CCDC85C: variants seen among roughly 807,000 people sequenced by gnomAD.
The protein encoded by CCDC85C is coiled-coil domain-containing protein 85C.
CCDC85C carries 18 observed loss-of-function variants against 38.3 expected under a neutral mutation model. The ratio of observed to expected loss-of-function variants is 0.47; its 90% CI spans 0.33 to 0.70. The LOEUF is 0.70. CCDC85C is among the 30% of genes least tolerant of loss of function. The pLI is 0.03. For missense variants in CCDC85C, 566 were observed against 621.2 expected, an observed-to-expected ratio of 0.91 and a Z score of 0.94; for synonymous variants, 264 against 293.8, an observed-to-expected ratio of 0.90 and a Z score of 1.04.
rs1450465746 is a variant in CCDC85C, at chr14:99,576,394, A to T, written c.793+26773T>A. Reference sequence around the variant, plus strand: ...ATGCAGGACCAAGCTGGCCCAGGAGAAGGACTGAGTCCCTGTGAGCAGCAG... The same window carrying T: ...ATGCAGGACCAAGCTGGCCCAGGAGTAGGACTGAGTCCCTGTGAGCAGCAG... On this transcript the variant is annotated intron_variant, in intron 1 of 5. Coordinates refer to ENST00000380243, the MANE Select transcript of CCDC85C (RefSeq NM_001144995.2). This position sits in a 1 kb window ranked among gnomAD's most constrained non-coding sequence, Gnocchi z 4.8. 1 of 152,408 alleles carries T rather than the reference A, an allele frequency of 6.6e-6. No individual in the cohort carries two copies. Among genetic ancestry groups the T allele is most frequent in the African/African-American group, 2.4e-5 (1 of 41,440 alleles). The allele number at this position is 152,408 out of a possible 1,614,324, so 9.4% of individuals were successfully genotyped here.
At chr14:99,554,208 C>T (rs2139941266) in intron 1 of CCDC85C, among the ~76,000 whole-genome samples, 1 of 152,302 alleles carries the variant, frequency 6.6e-6, no homozygotes, top group African/African-American at 2.4e-5. Flanking sequence ...GTGGCCATCC[C>T]AGCACACGAG....
chr14:99,500,406 T>C lies in CCDC85C; in HGVS notation c.*14840A>G. On this transcript the variant is annotated 3_prime_UTR_variant, in exon 6 of 6. Coordinates refer to ENST00000380243, the MANE Select transcript of CCDC85C (RefSeq NM_001144995.2). ...AATGAAAATTCCTAAAAGATTGCATTTTTAAAATTTGAGGTCTTGAAAGAA... is the reference window on the plus strand; with the variant it reads ...AATGAAAATTCCTAAAAGATTGCATCTTTAAAATTTGAGGTCTTGAAAGAA... 1 of 204,122 alleles carries C rather than the reference T, an allele frequency of 4.9e-6. No individual in the cohort carries two copies. Among genetic ancestry groups the C allele is most frequent in the South Asian group, 8.1e-5 (1 of 12,414 alleles). The allele number at this position is 204,122 out of a possible 1,614,324, so 12.6% of individuals were successfully genotyped here. A position where few individuals can be genotyped will look rare whatever the true frequency, so the allele number is the denominator to read the frequency against.
rs2055235444 is a variant in CCDC85C, at chr14:99,603,630, G to C, written c.330C>G (p.Arg110=). 19 of 1,464,982 alleles carry C rather than the reference G, an allele frequency of 1.3e-5. No individual in the cohort carries two copies. The highest frequency in any genetic ancestry group is 1.7e-5 in the Non-Finnish European group (19 of 1,110,242). The allele number at this position is 1,464,982 out of a possible 1,614,324, so 90.7% of individuals were successfully genotyped here. A position where few individuals can be genotyped will look rare whatever the true frequency, so the allele number is the denominator to read the frequency against. The change falls in exon 1 of 6, where the codon CGC becomes CGG. Residue 110 remains arginine (R), a synonymous_variant. Transcript: ENST00000380243. The surrounding 1 kb of genome is among the most constrained non-coding windows in gnomAD (Gnocchi z 7.5). Reference sequence around the variant, plus strand: ...CGTGCCACACGGCGCCGGCCGCGTGGCGCCCGAAGCGCTGCCACTCGCGCG... The same window carrying C: ...CGTGCCACACGGCGCCGGCCGCGTGCCGCCCGAAGCGCTGCCACTCGCGCG... ...KLAREWQRFG[R]HAAGAVWHEV...
At chr14:99,550,856 C>G (rs537826572) in intron 1 of CCDC85C, among the ~76,000 whole-genome samples, 3 of 152,198 alleles carry the variant, frequency 2.0e-5, no homozygotes, top group Non-Finnish European at 2.9e-5. Context: ...GGTACCATAA[C>G]AGGCCTGGGG....
chr14:99,571,060 C>T (rs571530206), intron 1 of CCDC85C, among the ~76,000 whole-genome samples: 1 of 152,124 alleles, frequency 6.6e-6, no homozygotes. Context: ...TGCCTGTGCC[C>T]AAGTGACCCC....
At chr14:99,540,799 C>T (rs571351145) in intron 1 of CCDC85C, among the ~76,000 whole-genome samples, 2 of 152,316 alleles carry the variant, frequency 1.3e-5, no homozygotes, top group South Asian at 4.1e-4. Context: ...TCCCTTGCTC[C>T]CATGAGGAGG....
intron 1 of CCDC85C, among the ~76,000 whole-genome samples, chr14:99,581,681 G>A (rs913338373): frequency 3.3e-5 from 5 of 152,208 alleles, no homozygotes; most frequent in African/African-American, 9.7e-5. Flanking sequence ...CAATGGGCTC[G>A]CAGGGAAACA....
Position 99,507,489 on chromosome 14 carries a change from C to A in CCDC85C, c.*7757G>T. 1 of 267,706 alleles carries A rather than the reference C, an allele frequency of 3.7e-6. No individual in the cohort carries two copies. The highest frequency in any genetic ancestry group is 7.3e-6 in the Non-Finnish European group (1 of 136,840). 16.6% of individuals were successfully genotyped at this position (267,706 alleles called of 1,614,324 possible). On this transcript the variant is annotated 3_prime_UTR_variant, in exon 6 of 6. Transcript: ENST00000380243. ...CTGAGATGGGAAGATCATTTGAGCC[C>A]TGGGCAGTCAAGGCTGCAGTGAGCT...
intron 1 of CCDC85C, among the ~76,000 whole-genome samples, chr14:99,598,701 G>A (rs1454985618): frequency 6.6e-6 from 1 of 152,156 alleles, no homozygotes; most frequent in African/African-American, 2.4e-5. Context: ...GGAGACCCAA[G>A]ACGCATCCCA....
At chr14:99,541,704 G>A (rs1286523846) in intron 1 of CCDC85C, among the ~76,000 whole-genome samples, 1 of 152,220 alleles carries the variant, frequency 6.6e-6, no homozygotes. Context: ...AGAGCTGCAG[G>A]TGCCAGCAGG....
Position 99,603,053 on chromosome 14 carries a change from T to A in CCDC85C, c.793+114A>T. The A allele has an allele frequency of 7.4e-6, 9 of 1,219,048 alleles. No individual in the cohort carries two copies. The highest frequency in any genetic ancestry group is 9.3e-6 in the Non-Finnish European group (9 of 968,310). The allele number at this position is 1,219,048 out of a possible 1,614,324, so 75.5% of individuals were successfully genotyped here. A position where few individuals can be genotyped will look rare whatever the true frequency, so the allele number is the denominator to read the frequency against. Reference sequence around the variant, plus strand: ...CCAGGATCCATGACAGCTGGAGGAGTCTGGAGTGGCGGCCGCATGAGTGGG... The same window carrying A: ...CCAGGATCCATGACAGCTGGAGGAGACTGGAGTGGCGGCCGCATGAGTGGG... On this transcript the variant is annotated intron_variant, in intron 1 of 5. Coordinates refer to ENST00000380243, the MANE Select transcript of CCDC85C (RefSeq NM_001144995.2). The surrounding 1 kb of genome is among the most constrained non-coding windows in gnomAD (Gnocchi z 7.5).
chr14:99,564,804 A>C (rs944998959), intron 1 of CCDC85C, among the ~76,000 whole-genome samples: 2 of 152,220 alleles, frequency 1.3e-5, no homozygotes, highest in Admixed American at 1.3e-4. Context: ...TCCTTACAGA[A>C]GGCTAGGAAC....
chr14:99,501,023 G>A lies in CCDC85C; in HGVS notation c.*14223C>T. 4.8e-6 allele frequency: 3 copies of A among 622,934 alleles called. No homozygotes were observed. The East Asian group carries it at 8.5e-5, about 18-fold the overall frequency. 38.6% of individuals were successfully genotyped at this position (622,934 alleles called of 1,614,324 possible). On this transcript the variant is annotated 3_prime_UTR_variant, in exon 6 of 6. Transcript: ENST00000380243. ...CTTGCTCAGTCAATTCAGCATTGCA[G>A]CTGCTAATGCTGTTTCCTTTTATGT...
rs899908956 is a variant in CCDC85C at position 99,548,242 on chromosome 14, G to A, written c.794-12154C>T. On this transcript the variant is annotated intron_variant, in intron 1 of 5. Coordinates refer to ENST00000380243, the MANE Select transcript of CCDC85C (RefSeq NM_001144995.2). The surrounding 1 kb of genome is among the most constrained non-coding windows in gnomAD (Gnocchi z 4.9). ...ATAAGGAAATACATGGGAAGGGGCA[G>A]AGGTATAGGAAGAGGAGAGCCACAA... is the stretch of plus-strand genomic sequence containing the variant. Among the ~76,000 whole-genome samples the A allele has an allele frequency of 3.3e-5, 5 of 152,134 alleles. No homozygotes were observed. The highest frequency in any genetic ancestry group is 7.3e-5 in the Non-Finnish European group (5 of 68,042).
chr14:99,576,045 C>T lies in CCDC85C; in HGVS notation c.793+27122G>A, dbSNP rs996642577. ...AACCCGCTGCTGTGACCACCCCACTCCTCCAAACCTCACCGATCTGTGCCC... is the reference window on the plus strand; with the variant it reads ...AACCCGCTGCTGTGACCACCCCACTTCTCCAAACCTCACCGATCTGTGCCC... On this transcript the variant is annotated intron_variant, in intron 1 of 5. Transcript: ENST00000380243. The surrounding 1 kb of genome is among the most constrained non-coding windows in gnomAD (Gnocchi z 4.8). Among the ~76,000 whole-genome samples, 6 of 152,234 alleles carry T rather than the reference C, an allele frequency of 3.9e-5. No homozygotes were observed. Among genetic ancestry groups the T allele is most frequent in the African/African-American group, 1.4e-4 (6 of 41,460 alleles).
In CCDC85C at chr14:99,545,542, T is replaced by C. The variant is rs1897789907; in HGVS notation, c.794-9454A>G. Among the ~76,000 whole-genome samples the C allele has an allele frequency of 6.6e-6, 1 of 152,140 alleles. No homozygotes were observed. Among genetic ancestry groups the C allele is most frequent in the Admixed American group, 6.5e-5 (1 of 15,272 alleles). On this transcript the variant is annotated intron_variant, in intron 1 of 5. Coordinates refer to ENST00000380243, the MANE Select transcript of CCDC85C (RefSeq NM_001144995.2). The surrounding 1 kb of genome is among the most constrained non-coding windows in gnomAD (Gnocchi z 4.7). Reference sequence around the variant, plus strand: ...CCTGTGCCTTCAAGGGCTGCACGCATCTGGAAATTGACCTGTGTGTGTGAG... The same window carrying C: ...CCTGTGCCTTCAAGGGCTGCACGCACCTGGAAATTGACCTGTGTGTGTGAG...
chr14:99,504,048 G>A lies in CCDC85C; in HGVS notation c.*11198C>T. The A allele has an allele frequency of 2.7e-6, 1 of 374,916 alleles. No homozygotes were observed. The highest frequency in any genetic ancestry group is 5.3e-6 in the Non-Finnish European group (1 of 190,130). The allele number at this position is 374,916 out of a possible 1,614,324, so 23.2% of individuals were successfully genotyped here. ...GTGGTGTGCTGCCCGGACAGCACCA[G>A]CCCGGCCCAGCCCAGCTGCCCTTGC... On this transcript the variant is annotated 3_prime_UTR_variant, in exon 6 of 6. Coordinates refer to ENST00000380243, the MANE Select transcript of CCDC85C (RefSeq NM_001144995.2).
chr14:99,584,819 G>A (rs368174054), intron 1 of CCDC85C, among the ~76,000 whole-genome samples: 7 of 152,200 alleles, frequency 4.6e-5, no homozygotes, highest in South Asian at 2.1e-4. Flanking sequence ...GGGGCTGGGC[G>A]CAGTGGACGC....
chr14:99,559,535 C>T (rs1898076372), intron 1 of CCDC85C, among the ~76,000 whole-genome samples: 2 of 152,304 alleles, frequency 1.3e-5, no homozygotes, highest in Middle Eastern at 3.4e-3. Flanking sequence ...GCCTCATTTC[C>T]CAAAGTGACT....
Sources: gnomAD v4.1 joint callset for allele counts (sites outside exome capture counted in the v4.1 genomes callset) on GRCh38, gnomAD v4.1.1 for gene constraint, Gnocchi (gnomAD v3.1) non-coding constraint, MANE v1.5 for transcripts, NCBI Gene and HGNC (gene_info 2026-07-23, HGNC 2026-07-21) for gene names.